Variants in TRANK1 observed in about 807,000 individuals in gnomAD.
TRANK1 encodes the protein tetratricopeptide repeat and ankyrin repeat containing 1, also known as TPR and ankyrin repeat-containing protein 1.
Under a neutral mutation model 266.0 loss-of-function variants are expected in TRANK1, and 198 were observed. The observed-to-expected ratio is 0.74, with a 90% confidence interval of 0.66 to 0.84. TRANK1 has a LOEUF of 0.84. Among genes scored for constraint, TRANK1 ranks in the 40% least tolerant of loss-of-function variants. The probability of loss-of-function intolerance (pLI) is 0.00; values close to 1 mark genes in which losing one functional copy is unlikely to be tolerated. For synonymous variants in TRANK1, 1,396 were observed against 1,384.1 expected (o/e 1.01, Z -0.19); for missense variants, 3,326 against 3,634.6 (o/e 0.92, Z 2.18).
At chr3:36,850,124 T>G (rs11712098) in intron 15 of TRANK1, 264,782 of 985,208 alleles carry the variant, frequency 0.27, 36,508 homozygotes, top group East Asian at 0.58. Flanking sequence ...AACTGGTACT[T>G]AATAAAGAAC....
intron 8 of TRANK1, chr3:36,880,304 C>T (rs4404400): frequency 0.29 from 117,039 of 398,058 alleles, 19,118 homozygotes; most frequent in East Asian, 0.56. Context: ...AGTCTTTCCA[C>T]CTCATGAGAA....
Position 36,833,022 on chromosome 3 carries a change from G to C in TRANK1, c.6561C>G (p.Thr2187=), listed in dbSNP as rs759942586. 6.2e-7 allele frequency: 1 copy of C among 1,612,458 alleles called. No homozygotes were observed. Among genetic ancestry groups the C allele is most frequent in the African/African-American group, 1.3e-5 (1 of 75,012 alleles). ...CQITRSLLGK[T]YRGVCMRFIV... is the part of the protein sequence containing the mutation. Reference sequence around the variant, plus strand: ...TAAACCTCATGCAGACTCCTCGGTAGGTCTTCCCAAGCAGGCTCCGTGTGA... The same window carrying C: ...TAAACCTCATGCAGACTCCTCGGTACGTCTTCCCAAGCAGGCTCCGTGTGA... The change falls in exon 22 of 24, where the codon ACC becomes ACG. Residue 2187 remains threonine (T), a synonymous_variant. Transcript: ENST00000645898.
At chr3:36,840,790 C>A (rs77528643) in intron 18 of TRANK1, among the ~76,000 whole-genome samples, 3,501 of 152,328 alleles carry the variant, frequency 0.023, 62 homozygotes, top group Non-Finnish European at 0.035. Context: ...CAGAAGCAGA[C>A]ATGCCCAGCT....
intron 17 of TRANK1, among the ~76,000 whole-genome samples, chr3:36,844,963 A>C (rs1226274212): frequency 6.6e-6 from 1 of 152,138 alleles, no homozygotes; most frequent in Non-Finnish European, 1.5e-5. Context: ...TTTCTCCTTC[A>C]TGAAGGGCTG....
At chr3:36,881,535 C>T (rs138368106) in intron 8 of TRANK1, among the ~76,000 whole-genome samples, 2 of 152,104 alleles carry the variant, frequency 1.3e-5, no homozygotes, top group Non-Finnish European at 2.9e-5. Flanking sequence ...ATCGCTTGAA[C>T]CCAGGAGGCA....
intron 10 of TRANK1, 70 bp from the exon 11 acceptor site, chr3:36,861,230 C>A: frequency 6.8e-7 from 1 of 1,476,312 alleles, no homozygotes. Flanking sequence ...CCAATCACAA[C>A]CCAACATCCA....
At chr3:36,845,407 C>T (rs141604877) in intron 17 of TRANK1, among the ~76,000 whole-genome samples, 1 of 152,276 alleles carries the variant, frequency 6.6e-6, no homozygotes, top group African/African-American at 2.4e-5. Flanking sequence ...CAGATTCAGA[C>T]AACCTGTTAA....
intron 3 of TRANK1, among the ~76,000 whole-genome samples, 167 bp from the exon 4 acceptor site, chr3:36,899,426 A>G (rs1363784159): frequency 1.3e-5 from 2 of 152,198 alleles, no homozygotes; most frequent in Non-Finnish European, 2.9e-5. Flanking sequence ...AGATCAAGGC[A>G]GGAGGATCGC....
Position 36,866,911 on chromosome 3 carries a change from A to T in TRANK1, c.1079-2431T>A, listed in dbSNP as rs1208577381. Among the ~76,000 whole-genome samples the T allele has an allele frequency of 2.0e-5, 3 of 152,154 alleles. No homozygotes were observed. The East Asian group carries it at 5.8e-4, about 29-fold the overall frequency. On this transcript the variant is annotated intron_variant, in intron 9 of 23. Coordinates refer to ENST00000645898, the MANE Select transcript of TRANK1 (RefSeq NM_001329998.2). Reference sequence around the variant, plus strand: ...TCAATAAATCAAGCCAGAACACCAGAAACATACACACATCCACTTCCGGGG... The same window carrying T: ...TCAATAAATCAAGCCAGAACACCAGTAACATACACACATCCACTTCCGGGG...
At chr3:36,918,218 A>G (rs867738574) in intron 1 of TRANK1, among the ~76,000 whole-genome samples, 18 of 152,202 alleles carry the variant, frequency 1.2e-4, no homozygotes, top group South Asian at 4.1e-4. Flanking sequence ...TCATAGAAAC[A>G]GAAAGTAGAA....
chr3:36,874,153 G>C lies in TRANK1; in HGVS notation c.1051C>G (p.Leu351Val). Residue 351 changes from leucine (L) to valine (V), a missense_variant, in exon 9 of 24, where the codon CTA becomes GTA. By Grantham distance (32) the Leu-to-Val change is conservative. Coordinates refer to ENST00000645898, the MANE Select transcript of TRANK1 (RefSeq NM_001329998.2). ...IEKINSHLEK[L>V]ATCSKDLSGF... is the part of the protein sequence containing the mutation. ...GATAGGTCCTTAGAACACGTAGCTA[G>C]CTTTTCTAAGTGACTGTTGATTTTC... The C allele has an allele frequency of 1.3e-6, 2 of 1,537,428 alleles. No homozygotes were observed. Among genetic ancestry groups the C allele is most frequent in the Non-Finnish European group, 1.7e-6 (2 of 1,146,922 alleles).
chr3:36,941,201 G>A (rs73826916), intron 1 of TRANK1, among the ~76,000 whole-genome samples: 101 of 152,196 alleles, frequency 6.6e-4, no homozygotes, highest in African/African-American at 2.1e-3. Context: ...CTGATTTTTC[G>A]GACTGGGAAT....
At chr3:36,909,206 A>G (rs985181026) in intron 1 of TRANK1, among the ~76,000 whole-genome samples, 1 of 152,172 alleles carries the variant, frequency 6.6e-6, no homozygotes, top group African/African-American at 2.4e-5. Context: ...TCAAACCCCT[A>G]TTTTGTTAAG....
At chr3:36,916,350 G>A (rs1038511523) in intron 1 of TRANK1, among the ~76,000 whole-genome samples, 1 of 152,172 alleles carries the variant, frequency 6.6e-6, no homozygotes, top group African/African-American at 2.4e-5. Flanking sequence ...CAGATCACGA[G>A]GTCAGGAGTT....
At chr3:36,902,792 A>G (rs1163622895) in intron 3 of TRANK1, among the ~76,000 whole-genome samples, 2 of 152,246 alleles carry the variant, frequency 1.3e-5, no homozygotes, top group Non-Finnish European at 2.9e-5. Context: ...GGGTGTAACT[A>G]TATCAGAACA....
chr3:36,945,574 C>T (rs1265987237), upstream of TRANK1, among the ~76,000 whole-genome samples: 2 of 152,206 alleles, frequency 1.3e-5, no homozygotes, highest in Non-Finnish European at 1.5e-5. Flanking sequence ...TAAGTGCGCA[C>T]AGGCCTGAGC....
chr3:36,830,998 C>T lies in TRANK1; in HGVS notation c.8585G>A (p.Ser2862Asn). Residue 2862 changes from serine (S) to asparagine (N), a missense_variant, in exon 22 of 24, where the codon AGT becomes AAT. Transcript: ENST00000645898. ...GKLVVQDIEQ[S>N]VWIHSHVGSK... ...GCCCACGTGACTGTGGATCCATACA[C>T]TTTGCTCGATGTCCTGCACCACCAG... 2 of 1,614,064 alleles carry T rather than the reference C, an allele frequency of 1.2e-6. No individual in the cohort carries two copies. Among genetic ancestry groups the T allele is most frequent in the Non-Finnish European group, 1.7e-6 (2 of 1,179,900 alleles).
Position 36,832,616 on chromosome 3 carries a change from G to A in TRANK1, c.6967C>T (p.Arg2323Cys), listed in dbSNP as rs756566198. ...AGCCACAGGTCTGTGGATTCCCGGC[G>A]GTTGCGTGCGCTTTCATTTTCAAAC... The part of the protein sequence containing the change: ...FLFENESARN[R>C]RESTDLWLSA... Residue 2323 changes from arginine to cysteine, a missense_variant, in exon 22 of 24, where the codon CGC (arginine) becomes TGC (cysteine). Transcript: ENST00000645898. The A allele has an allele frequency of 2.1e-5, 34 of 1,613,858 alleles. No homozygotes were observed. Among genetic ancestry groups the A allele is most frequent in the African/African-American group, 1.7e-4 (13 of 74,908 alleles).
chr3:36,888,122 C>T (rs1334160900), intron 8 of TRANK1, among the ~76,000 whole-genome samples: 2 of 152,088 alleles, frequency 1.3e-5, no homozygotes, highest in East Asian at 3.9e-4. Context: ...AATGAATAAA[C>T]AAAATGTGGT....
Sources: allele counts gnomAD v4.1 joint callset (sites outside exome capture counted in the v4.1 genomes callset), GRCh38; gene constraint gnomAD v4.1.1; transcripts MANE v1.5; gene names NCBI Gene and HGNC (gene_info 2026-07-23, HGNC 2026-07-21).